EEA1: variants seen among roughly 807,000 people sequenced by gnomAD.
EEA1 encodes early endosome antigen 1, 162kD.
EEA1 carries 111 observed loss-of-function variants against 209.2 expected under a neutral mutation model. The observed-to-expected ratio is 0.53, with a 90% CI of 0.45 to 0.62. The LOEUF (loss-of-function observed/expected upper bound fraction) is 0.62. Among genes scored for constraint, EEA1 ranks in the 20% least tolerant of loss-of-function variants. The pLI, the probability that EEA1 is intolerant of heterozygous loss-of-function variation, is 0.00. For synonymous variants in EEA1, 536 were observed against 540.6 expected (o/e 0.99, Z 0.12); for missense variants, 1,343 against 1,530.8 (o/e 0.88, Z 2.05).
intron 28 of EEA1, 130 bp from the exon 29 acceptor site, chr12:92,776,263 G>T: frequency 1.2e-6 from 1 of 824,838 alleles, no homozygotes; most frequent in Non-Finnish European, 1.7e-6. Context: ...ATTATTTAAT[G>T]ATATGTTTCA....
In EEA1 at chr12:92,903,095, C is replaced by T. The variant is rs558809693; in HGVS notation, c.25-11374G>A. The stretch of plus-strand genomic sequence containing the variant: ...GGTTACAGGCACCCGCCACCACACC[C>T]GGCTAATTTTTTTTGTATTTTTTAG... On this transcript the variant is annotated intron_variant, in intron 1 of 28. Transcript: ENST00000322349. Among the ~76,000 whole-genome samples, 66 of 151,634 alleles carry T rather than the reference C, an allele frequency of 4.4e-4. No individual in the cohort carries two copies. The South Asian group carries it at 5.9e-3, about 13-fold the overall frequency.
intron 1 of EEA1, among the ~76,000 whole-genome samples, chr12:92,921,097 C>T (rs1296688340): frequency 2.6e-5 from 4 of 152,100 alleles, no homozygotes; most frequent in African/African-American, 7.2e-5. Context: ...AGTCAGGAAA[C>T]GAGAGGTGCT....
rs1470609719 is a variant in EEA1 at position 92,775,401 on chromosome 12, C to T, written c.*610G>A. The T allele has an allele frequency of 6.6e-6, 1 of 151,570 alleles. No homozygotes were observed. Among genetic ancestry groups the T allele is most frequent in the Non-Finnish European group, 1.5e-5 (1 of 67,726 alleles). The allele number at this position is 151,570 out of a possible 1,614,324, so 9.4% of individuals were successfully genotyped here. A position where few individuals can be genotyped will look rare whatever the true frequency, so the allele number is the denominator to read the frequency against. ...TAATTAATATTGTTAAAACAAAAAC[C>T]ATTTTTGAATTCATATTACTACATA... On this transcript the variant is annotated 3_prime_UTR_variant, in exon 29 of 29. Coordinates refer to ENST00000322349, the MANE Select transcript of EEA1 (RefSeq NM_003566.4).
At chr12:92,868,609 T>C (rs1878502252) in intron 2 of EEA1, among the ~76,000 whole-genome samples, 1 of 152,226 alleles carries the variant, frequency 6.6e-6, no homozygotes, top group Admixed American at 6.5e-5. Flanking sequence ...TACCCTGAAA[T>C]AAATGATTCA....
At chr12:92,896,983 T>C (rs1879911450) in intron 1 of EEA1, among the ~76,000 whole-genome samples, 1 of 151,800 alleles carries the variant, frequency 6.6e-6, no homozygotes, top group Non-Finnish European at 1.5e-5. Flanking sequence ...GAGACCACTC[T>C]GGGCAACATA....
intron 15 of EEA1, among the ~76,000 whole-genome samples, chr12:92,815,945 CAG>C (rs1307228542): frequency 2.1e-5 from 3 of 143,894 alleles, no homozygotes; most frequent in Admixed American, 7.3e-5. Context: ...GAGACAGAGA[CAG>C]AGAGAGAGAG....
At chr12:92,864,300 G>T (rs1323764489) in intron 3 of EEA1, among the ~76,000 whole-genome samples, 1 of 152,028 alleles carries the variant, frequency 6.6e-6, no homozygotes, top group Non-Finnish European at 1.5e-5. Flanking sequence ...CCTCAGTGGG[G>T]ATAAAAGACA....
At chr12:92,838,877 T>C (rs1332767993) in intron 10 of EEA1, among the ~76,000 whole-genome samples, 3 of 152,172 alleles carry the variant, frequency 2.0e-5, no homozygotes, top group African/African-American at 7.2e-5. Flanking sequence ...TGAAGAAAAG[T>C]ACTCATGTGA....
At chr12:92,875,519 A>C (rs1412029943) in intron 2 of EEA1, among the ~76,000 whole-genome samples, 1 of 152,000 alleles carries the variant, frequency 6.6e-6, no homozygotes, top group Non-Finnish European at 1.5e-5. Context: ...GAATCTCAGC[A>C]CCTCTACTGT....
At chr12:92,868,024 T>A (rs1008206672) in intron 2 of EEA1, among the ~76,000 whole-genome samples, 2 of 152,106 alleles carry the variant, frequency 1.3e-5, no homozygotes, top group African/African-American at 2.4e-5. Flanking sequence ...ACAGAAGGCT[T>A]CTAGGTGTGT....
intron 1 of EEA1, among the ~76,000 whole-genome samples, chr12:92,910,314 C>A (rs1880531676): frequency 6.6e-6 from 1 of 151,508 alleles, no homozygotes; most frequent in Non-Finnish European, 1.5e-5. Flanking sequence ...ACTAAAAATA[C>A]AAAAATTAGC....
intron 21 of EEA1, among the ~76,000 whole-genome samples, chr12:92,790,368 G>C (rs1371371523): frequency 2.0e-5 from 3 of 152,106 alleles, no homozygotes. Context: ...CCCATCGCAA[G>C]GAAGCTAAAA....
At chr12:92,888,887 C>T (rs904374358) in intron 2 of EEA1, among the ~76,000 whole-genome samples, 2 of 152,148 alleles carry the variant, frequency 1.3e-5, no homozygotes, top group Non-Finnish European at 2.9e-5. Context: ...TGGTGACTCA[C>T]ACCTATAATC....
chr12:92,834,723 T>C (rs186488938), intron 10 of EEA1, among the ~76,000 whole-genome samples: 298 of 152,190 alleles, frequency 2.0e-3, no homozygotes, highest in African/African-American at 7.0e-3. Flanking sequence ...ACAAAAATAA[T>C]ACTTCTGATT....
chr12:92,877,675 C>T (rs900658910), intron 2 of EEA1, among the ~76,000 whole-genome samples: 4 of 151,880 alleles, frequency 2.6e-5, no homozygotes, highest in African/African-American at 9.7e-5. Context: ...ACTACAGGTG[C>T]GTGCCACCAC....
In EEA1 at chr12:92,834,558, AAAAAAAAAAAAGAGTACTTATAAGAG is replaced by A. The variant is rs1445167745; in HGVS notation, c.916-1734_916-1709del. ...AAGACCCTGTCACTAAAAAAAAAAA[AAAAAAAAAAAAGAGTACTTATAAGAG>A]AGGATGACAGACAGACTTAAAAGTA... On this transcript the variant is annotated intron_variant, in intron 10 of 28. Coordinates refer to ENST00000322349, the MANE Select transcript of EEA1 (RefSeq NM_003566.4). 3.3e-3 allele frequency among the ~76,000 whole-genome samples: 500 copies of A among 151,014 alleles called. 1 individual carries two copies. The highest frequency in any genetic ancestry group is 5.6e-3 in the Non-Finnish European group (376 of 67,662).
intron 1 of EEA1, chr12:92,905,369 G>C (rs533842390): frequency 6.6e-6 from 1 of 152,084 alleles, no homozygotes; most frequent in South Asian, 2.1e-4. Context: ...AGGCCAAGGC[G>C]TGCGGATCAT....
At chr12:92,902,330 A>G (rs1031143854) in intron 1 of EEA1, among the ~76,000 whole-genome samples, 2 of 152,242 alleles carry the variant, frequency 1.3e-5, no homozygotes, top group Admixed American at 1.3e-4. Flanking sequence ...AGCTAAGTTC[A>G]GTAATAAGAA....
intron 22 of EEA1, among the ~76,000 whole-genome samples, chr12:92,784,794 C>T (rs1282234299): frequency 1.3e-5 from 2 of 152,126 alleles, no homozygotes; most frequent in African/African-American, 2.4e-5. Flanking sequence ...ATTATTTCCT[C>T]TGCTCAGCAT....
Sources: allele counts gnomAD v4.1 joint callset (sites outside exome capture counted in the v4.1 genomes callset), GRCh38; gene constraint gnomAD v4.1.1; transcripts MANE v1.5; gene names NCBI Gene and HGNC (gene_info 2026-07-23, HGNC 2026-07-21).